The following C15orf40 variants were observed in gnomAD, a reference collection of about 807,000 sequenced individuals.
C15orf40 encodes the protein chromosome 15 open reading frame 40.
A neutral mutation model predicts 13.9 loss-of-function variants in C15orf40; 9 were observed. The observed-to-expected ratio is 0.65, with a 90% CI of 0.39 to 1.13. The LOEUF (loss-of-function observed/expected upper bound fraction) is 1.13, where lower values mean the gene tolerates loss of function less well. Ranked by LOEUF, C15orf40 falls within the 50% of genes most tolerant of loss-of-function variation. The probability of loss-of-function intolerance (pLI) is 0.01; values close to 1 mark genes in which losing one functional copy is unlikely to be tolerated. For missense variants in C15orf40, 225 were observed against 188.5 expected (o/e 1.19, Z -1.13); for synonymous variants, 95 against 69.2 (o/e 1.37, Z -1.85).
rs1301483662 is a variant in C15orf40, at chr15:82,995,984, A to G, written c.*9613T>C. On this transcript the variant is annotated 3_prime_UTR_variant, in exon 4 of 4. Transcript: ENST00000304177. ...TCGCATAATTTTCACCAGTGTCTTC[A>G]TGGGCTGATGGGCTGATTTCAGTTG... The G allele has an allele frequency of 6.6e-6, 1 of 152,204 alleles. No individual in the cohort carries two copies. Among genetic ancestry groups the G allele is most frequent in the South Asian group, 2.1e-4 (1 of 4,834 alleles). The allele number at this position is 152,204 out of a possible 1,614,324, so 9.4% of individuals were successfully genotyped here.
chr15:82,999,055 C>T lies in C15orf40; in HGVS notation c.*6542G>A. The T allele has an allele frequency of 7.3e-6, 1 of 136,650 alleles. No individual in the cohort carries two copies. The highest frequency in any genetic ancestry group is 1.5e-5 in the Non-Finnish European group (1 of 65,478). The allele number at this position is 136,650 out of a possible 1,614,324, so 8.5% of individuals were successfully genotyped here. A position where few individuals can be genotyped will look rare whatever the true frequency, so the allele number is the denominator to read the frequency against. ...CGCGCCTGCAATCACAGGCACTGGG[C>T]AGGCTGAGGCAGGAGAATCAGGCAG... On this transcript the variant is annotated 3_prime_UTR_variant, in exon 4 of 4. Transcript: ENST00000304177.
In C15orf40 at chr15:83,003,560, GT is replaced by G. The variant is rs2031517236; in HGVS notation, c.*2036del. On this transcript the variant is annotated 3_prime_UTR_variant, in exon 4 of 4. Transcript: ENST00000304177. ...GAGTGGGAAAAGCTCTTAAGACCAT[GT>G]AAAACAGAAGCACATTTGCAGGCAG... 6.6e-6 allele frequency: 1 copy of G among 152,258 alleles called. No homozygotes were observed. Among genetic ancestry groups the G allele is most frequent in the Non-Finnish European group, 1.5e-5 (1 of 68,050 alleles). The allele number at this position is 152,258 out of a possible 1,614,324, so 9.4% of individuals were successfully genotyped here.
At position 83,005,100 on chromosome 15, in the gene C15orf40, G is replaced by C. The variant is rs2031604211; in HGVS notation, c.*497C>G. The C allele has an allele frequency of 1.8e-6, 2 of 1,139,080 alleles. No homozygotes were observed. Among genetic ancestry groups the C allele is most frequent in the African/African-American group, 3.3e-5 (2 of 61,284 alleles). 70.6% of individuals were successfully genotyped at this position (1,139,080 alleles called of 1,614,324 possible). A position where few individuals can be genotyped will look rare whatever the true frequency, so the allele number is the denominator to read the frequency against. ...CAGAGTAACATGTTCCAGGCTGTTT[G>C]GGGTTTGGGATTTTAGAACCTGATG... On this transcript the variant is annotated 3_prime_UTR_variant, in exon 4 of 4. Transcript: ENST00000304177.
Position 83,002,439 on chromosome 15 carries a change from T to A in C15orf40, c.*3158A>T, listed in dbSNP as rs1050696748. 5 of 152,256 alleles carry A rather than the reference T, an allele frequency of 3.3e-5. No individual in the cohort carries two copies. The highest frequency in any genetic ancestry group is 9.6e-5 in the African/African-American group (4 of 41,452). The allele number at this position is 152,256 out of a possible 1,614,324, so 9.4% of individuals were successfully genotyped here. A position where few individuals can be genotyped will look rare whatever the true frequency, so the allele number is the denominator to read the frequency against. On this transcript the variant is annotated 3_prime_UTR_variant, in exon 4 of 4. Coordinates refer to ENST00000304177, the MANE Select transcript of C15orf40 (RefSeq NM_144597.3). ...ATTCAGGTATCCAACTCTCTCTACT[T>A]CTTTGCTTCTGAGTATGCTGACCCC...
Position 83,011,541 on chromosome 15 carries a change from G to A in C15orf40, c.67C>T (p.Leu23Phe), listed in dbSNP as rs1358374213. The A allele has an allele frequency of 6.8e-6, 11 of 1,606,112 alleles. No homozygotes were observed. In the Admixed American group the frequency reaches 1.2e-4, roughly 17 times the overall value. The change falls in exon 1 of 4, where the codon CTT becomes TTT. Residue 23 changes from leucine (L) to phenylalanine (F), a missense_variant. Physicochemically the swap from Leu to Phe is conservative, Grantham distance 22. Transcript: ENST00000304177. ...TTCTTAGGCATCTCGGCGCAAAGAA[G>A]CCGAGCGGAGCCCCGAGTATTGGGT... ...ATPNTRGSAR[L>F]LCAEMPKKAG...
In C15orf40 at chr15:83,005,200, G is replaced by A; in HGVS notation, c.*397C>T. On this transcript the variant is annotated 3_prime_UTR_variant, in exon 4 of 4. Transcript: ENST00000304177. ...ATATACATATATATATGTCCCCCAT[G>A]TTCTTCTGTGCATGTAGTATATTTT... 2.9e-6 allele frequency: 3 copies of A among 1,026,036 alleles called. No individual in the cohort carries two copies. Among genetic ancestry groups the A allele is most frequent in the Non-Finnish European group, 3.5e-6 (3 of 853,574 alleles). The allele number at this position is 1,026,036 out of a possible 1,614,324, so 63.6% of individuals were successfully genotyped here. A position where few individuals can be genotyped will look rare whatever the true frequency, so the allele number is the denominator to read the frequency against.
rs1270210421 is a variant in C15orf40 at position 83,000,297 on chromosome 15, T to C, written c.*5300A>G. The C allele has an allele frequency of 6.6e-6, 1 of 152,346 alleles. No homozygotes were observed. The highest frequency in any genetic ancestry group is 1.9e-4 in the East Asian group (1 of 5,182). 9.4% of individuals were successfully genotyped at this position (152,346 alleles called of 1,614,324 possible). On this transcript the variant is annotated 3_prime_UTR_variant, in exon 4 of 4. Transcript: ENST00000304177. ...TTGCCAATTGCCCAGCCTAGATCCA[T>C]TTTCAGAAACACTGGCTACGTGGAT... is the stretch of plus-strand genomic sequence containing the variant.
chr15:82,989,071 G>A, downstream of C15orf40: 6 of 1,613,766 alleles, frequency 3.7e-6, no homozygotes, highest in Non-Finnish European at 5.1e-6. Flanking sequence ...TTTGCTAGTA[G>A]ATTCACAGAA....
At chr15:83,010,481 C>T in intron 1 of C15orf40, 118 bp from the exon 2 acceptor site, 1 of 1,233,160 alleles carries the variant, frequency 8.1e-7, no homozygotes, top group Non-Finnish European at 1.2e-6. Context: ...CAGTGGTGTC[C>T]AGGGACTTCT....
chr15:82,990,683 A>AC (rs1425343636), downstream of C15orf40: 1 of 1,516,356 alleles, frequency 6.6e-7, no homozygotes, highest in Non-Finnish European at 9.0e-7. Context: ...AATCATTGTC[A>AC]GTTTGTGTCT....
chr15:82,989,277 C>T (rs897897922), downstream of C15orf40: 10 of 1,402,616 alleles, frequency 7.1e-6, no homozygotes, highest in Non-Finnish European at 9.6e-6. Flanking sequence ...AGGGCAGGGA[C>T]CAGTGTTTTT....
rs775169296 is a variant in C15orf40, at chr15:83,005,668, C to A, written c.391G>T (p.Val131Leu). The A allele has an allele frequency of 6.2e-7, 1 of 1,611,764 alleles. No individual in the cohort carries two copies. Among genetic ancestry groups the A allele is most frequent in the Non-Finnish European group, 8.5e-7 (1 of 1,178,586 alleles). ...GGAGTTGTAGAAGCCAAAAGCTTCA[C>A]CACCTTTTCACGAGATTTACCACCC... ...DKGGKSREKV[V>L]KLLASTTPEE... The change falls in exon 4 of 4, where the codon GTG (valine) becomes TTG (leucine). Residue 131 changes from valine (V) to leucine (L), a missense_variant. By Grantham distance (32) the Val-to-Leu change is conservative. Coordinates refer to ENST00000304177, the MANE Select transcript of C15orf40 (RefSeq NM_144597.3).
In C15orf40 at chr15:82,999,793, A is replaced by T. The variant is rs1472393592; in HGVS notation, c.*5804T>A. On this transcript the variant is annotated 3_prime_UTR_variant, in exon 4 of 4. Coordinates refer to ENST00000304177, the MANE Select transcript of C15orf40 (RefSeq NM_144597.3). ...CAGGGAGTACGTAACTTGTGGCTGC[A>T]AAGTTTGGGGATTCTTCCCTCCCCA... is the stretch of plus-strand genomic sequence containing the variant. 6.6e-6 allele frequency: 1 copy of T among 152,140 alleles called. No homozygotes were observed. The highest frequency in any genetic ancestry group is 1.5e-5 in the Non-Finnish European group (1 of 68,020). 9.4% of individuals were successfully genotyped at this position (152,140 alleles called of 1,614,324 possible).
chr15:82,990,832 A>C, downstream of C15orf40: 1 of 518,390 alleles, frequency 1.9e-6, no homozygotes, highest in South Asian at 3.4e-5. Context: ...TCCTGTAAAT[A>C]ATGCTGCATT....
chr15:83,008,347 C>T (rs528537711), intron 3 of C15orf40: 7 of 487,548 alleles, frequency 1.4e-5, no homozygotes, highest in East Asian at 8.5e-5. Flanking sequence ...GGTGAAACTC[C>T]GTCTCTATTA....
At position 82,995,466 on chromosome 15, in the gene C15orf40, G is replaced by A. The variant is rs1435894121; in HGVS notation, c.*10131C>T. The stretch of plus-strand genomic sequence containing the variant: ...TTTGCAGGATGAAACAGGAGGAGCA[G>A]GTTAACGAAGAAGACAAGTCTTCAG... On this transcript the variant is annotated 3_prime_UTR_variant, in exon 4 of 4. Transcript: ENST00000304177. 1 of 152,398 alleles carries A rather than the reference G, an allele frequency of 6.6e-6. No homozygotes were observed. The highest frequency in any genetic ancestry group is 2.4e-5 in the African/African-American group (1 of 41,468). The allele number at this position is 152,398 out of a possible 1,614,324, so 9.4% of individuals were successfully genotyped here. A position where few individuals can be genotyped will look rare whatever the true frequency, so the allele number is the denominator to read the frequency against.
intron 2 of C15orf40, 38 bp downstream of exon 2, chr15:83,010,199 G>A (rs1185410808): frequency 5.6e-6 from 9 of 1,612,908 alleles, no homozygotes; most frequent in East Asian, 2.2e-5. Context: ...GGAGACACCT[G>A]ATTCACACTT....
chr15:83,008,686 A>T lies in C15orf40; in HGVS notation c.239-11T>A. ...CCTCTGCTGTCAAATCTGGAATGAAAATAGTGTGGACTTTATCCTTAAGGA... is the reference window on the plus strand; with the variant it reads ...CCTCTGCTGTCAAATCTGGAATGAATATAGTGTGGACTTTATCCTTAAGGA... On this transcript the variant is annotated splice_polypyrimidine_tract_variant and intron_variant, in intron 2 of 3. Coordinates refer to ENST00000304177, the MANE Select transcript of C15orf40 (RefSeq NM_144597.3). The T allele has an allele frequency of 6.3e-7, 1 of 1,597,030 alleles. No homozygotes were observed. Among genetic ancestry groups the T allele is most frequent in the Non-Finnish European group, 8.5e-7 (1 of 1,173,888 alleles).
chr15:83,003,748 A>AT lies in C15orf40; in HGVS notation c.*1848dup, dbSNP rs2031527238. The AT allele has an allele frequency of 6.6e-6, 1 of 151,898 alleles. No individual in the cohort carries two copies. The highest frequency in any genetic ancestry group is 2.4e-5 in the African/African-American group (1 of 41,336). The allele number at this position is 151,898 out of a possible 1,614,324, so 9.4% of individuals were successfully genotyped here. A position where few individuals can be genotyped will look rare whatever the true frequency, so the allele number is the denominator to read the frequency against. ...AGTAGCTTCTCTTTCACTGTCTGGGATTTTTTCTTTCTTTTTGAGACGGAG... is the reference window on the plus strand; with the variant it reads ...AGTAGCTTCTCTTTCACTGTCTGGGATTTTTTTCTTTCTTTTTGAGACGGAG... On this transcript the variant is annotated 3_prime_UTR_variant, in exon 4 of 4. Transcript: ENST00000304177.
Sources: allele counts gnomAD v4.1 joint callset, GRCh38; gene constraint gnomAD v4.1.1; transcripts MANE v1.5; gene names NCBI Gene and HGNC (gene_info 2026-07-23, HGNC 2026-07-21).